Variants in CFDP1 observed in about 807,000 individuals in gnomAD.
CFDP1 encodes heterochromatin-stabilizing protein CFDP1.
CFDP1 carries 31 observed loss-of-function variants against 40.1 expected under a neutral mutation model. That is an observed-to-expected ratio of 0.77 (90% confidence interval 0.58 to 1.04). CFDP1 has a LOEUF of 1.04. Among genes scored for constraint, CFDP1 ranks in the 50% least tolerant of loss-of-function variants. CFDP1 has a pLI of 0.00. For missense variants in CFDP1, 423 were observed against 343.4 expected (o/e 1.23, Z -1.83); for synonymous variants, 167 against 120.0 (o/e 1.39, Z -2.56).
intron 6 of CFDP1, among the ~76,000 whole-genome samples, chr16:75,303,736 A>C (rs1303904482): frequency 6.6e-6 from 1 of 152,204 alleles, no homozygotes; most frequent in Non-Finnish European, 1.5e-5. Context: ...TGCTTTATGT[A>C]TATTACATAT....
chr16:75,386,138 A>T (rs117942130), intron 5 of CFDP1, among the ~76,000 whole-genome samples: 2,745 of 148,222 alleles, frequency 0.019, 37 homozygotes, highest in Non-Finnish European at 0.031. Context: ...AAGTAAAATT[A>T]AAAAAAAAAA....
chr16:75,339,622 C>T (rs1194030514), intron 5 of CFDP1, among the ~76,000 whole-genome samples: 1 of 152,240 alleles, frequency 6.6e-6, no homozygotes, highest in Non-Finnish European at 1.5e-5. Context: ...CTTCTGGACT[C>T]TGACTTCCAC....
intron 5 of CFDP1, among the ~76,000 whole-genome samples, chr16:75,349,686 A>ATATATATATATATATATATATATATAT: frequency 4.5e-4 from 4 of 8,896 alleles, no homozygotes; most frequent in Admixed American, 2.7e-3. Context: ...AAAAAAAAAA[A>ATATATATATATATATATATATATATAT]AAAAATATAT....
intron 1 of CFDP1, among the ~76,000 whole-genome samples, chr16:75,420,539 G>C (rs2079266170): frequency 6.6e-6 from 1 of 152,212 alleles, no homozygotes; most frequent in South Asian, 2.1e-4. Context: ...GAGTGTGCTA[G>C]ATTAAAAGAG....
intron 4 of CFDP1, among the ~76,000 whole-genome samples, chr16:75,400,454 C>G (rs1278498291): frequency 1.3e-5 from 2 of 152,050 alleles, no homozygotes; most frequent in African/African-American, 4.8e-5. Flanking sequence ...ATTGAGACAC[C>G]AGGAACCTTT....
chr16:75,310,578 C>G (rs10514393), intron 5 of CFDP1, among the ~76,000 whole-genome samples: 4 of 152,018 alleles, frequency 2.6e-5, no homozygotes, highest in Admixed American at 2.6e-4. Context: ...TAAACTTCAT[C>G]CTGTTGAGTC....
intron 4 of CFDP1, among the ~76,000 whole-genome samples, chr16:75,402,194 T>G (rs2079061542): frequency 6.6e-6 from 1 of 152,190 alleles, no homozygotes; most frequent in South Asian, 2.1e-4. Context: ...AACAGTTAAA[T>G]TATAGACCAC....
At position 75,353,462 on chromosome 16, in the gene CFDP1, TATAA is replaced by T. The variant is rs1338218858; in HGVS notation, c.650+41624_650+41627del. On this transcript the variant is annotated intron_variant, in intron 5 of 6. Coordinates refer to ENST00000283882, the MANE Select transcript of CFDP1 (RefSeq NM_006324.3). ...GAGTTAGGTAGGAGTACAGGTGATA[TATAA>T]ATAGTCATTAATGAGGCTGGGGGCG... Among the ~76,000 whole-genome samples, 6 of 152,162 alleles carry T rather than the reference TATAA, an allele frequency of 3.9e-5. No homozygotes were observed. The East Asian group carries it at 9.6e-4, about 24-fold the overall frequency.
chr16:75,332,563 A>T (rs1289417286), intron 5 of CFDP1, among the ~76,000 whole-genome samples: 1 of 151,950 alleles, frequency 6.6e-6, no homozygotes, highest in Non-Finnish European at 1.5e-5. Flanking sequence ...GCTACTTGGG[A>T]GGCTGAAGTG....
chr16:75,335,868 A>G (rs1249453857), intron 5 of CFDP1, among the ~76,000 whole-genome samples: 1 of 152,112 alleles, frequency 6.6e-6, no homozygotes, highest in Non-Finnish European at 1.5e-5. Flanking sequence ...ATCTCCATGT[A>G]TTTAGCTTAC....
intron 4 of CFDP1, among the ~76,000 whole-genome samples, chr16:75,401,372 G>A (rs1186068771): frequency 8.2e-5 from 12 of 145,550 alleles, no homozygotes; most frequent in African/African-American, 2.8e-4. Flanking sequence ...AGCTTGCAGT[G>A]AGCCAAGATT....
At chr16:75,330,768 T>C (rs1465279552) in intron 5 of CFDP1, among the ~76,000 whole-genome samples, 2 of 152,300 alleles carry the variant, frequency 1.3e-5, no homozygotes, top group Non-Finnish European at 2.9e-5. Flanking sequence ...TTGGTAATTC[T>C]GTATGCTAAG....
chr16:75,305,659 G>T (rs2078251859), intron 5 of CFDP1, among the ~76,000 whole-genome samples: 2 of 152,316 alleles, frequency 1.3e-5, no homozygotes, highest in Admixed American at 6.5e-5. Context: ...ACTTGGCACA[G>T]CGTCAAGGTG....
intron 5 of CFDP1, among the ~76,000 whole-genome samples, chr16:75,331,555 C>A (rs1457547283): frequency 6.6e-6 from 1 of 152,210 alleles, no homozygotes; most frequent in Non-Finnish European, 1.5e-5. Context: ...ATTCCCCACC[C>A]TCCAGCAACG....
At chr16:75,347,359 A>AAAAAAAAAG (rs1555556963) in intron 5 of CFDP1, among the ~76,000 whole-genome samples, 4 of 53,694 alleles carry the variant, frequency 7.4e-5, no homozygotes, top group Non-Finnish European at 1.0e-4. Flanking sequence ...AAAAAAAAAA[A>AAAAAAAAAG]AAAAAGAAAA....
intron 5 of CFDP1, among the ~76,000 whole-genome samples, chr16:75,385,043 C>A (rs868355146): frequency 6.6e-6 from 1 of 150,792 alleles, no homozygotes; most frequent in Non-Finnish European, 1.5e-5. Flanking sequence ...TTTAAATAAA[C>A]CTTGATAGGT....
intron 5 of CFDP1, among the ~76,000 whole-genome samples, chr16:75,318,027 A>G (rs994226629): frequency 3.9e-5 from 6 of 152,156 alleles, no homozygotes; most frequent in Admixed American, 1.3e-4. Flanking sequence ...AGGATGAGGC[A>G]GGAGAATTGC....
chr16:75,361,183 T>C (rs1367675842), intron 5 of CFDP1, among the ~76,000 whole-genome samples: 1 of 152,148 alleles, frequency 6.6e-6, no homozygotes, highest in Non-Finnish European at 1.5e-5. Flanking sequence ...CTAATTTTTG[T>C]ATTTTTTAGT....
At chr16:75,410,168 T>C (rs2079146721) in intron 4 of CFDP1, among the ~76,000 whole-genome samples, 1 of 151,644 alleles carries the variant, frequency 6.6e-6, no homozygotes, top group African/African-American at 2.4e-5. Context: ...AAACATTATT[T>C]TTAAGAATAA....
Sources: gnomAD v4.1 joint callset for allele counts (sites outside exome capture counted in the v4.1 genomes callset) on GRCh38, gnomAD v4.1.1 for gene constraint, MANE v1.5 for transcripts, NCBI Gene and HGNC (gene_info 2026-07-23, HGNC 2026-07-21) for gene names.